Variants in LRRC7 observed in about 807,000 individuals in gnomAD.
LRRC7 encodes leucine rich repeat containing 7.
Under a neutral mutation model 175.7 loss-of-function variants are expected in LRRC7, and 23 were observed. That is an observed-to-expected ratio of 0.13 (90% CI 0.09 to 0.19). The LOEUF (loss-of-function observed/expected upper bound fraction) is 0.19. LRRC7 is among the 10% of genes least tolerant of loss of function. LRRC7 has a pLI of 1.00. For synonymous variants in LRRC7, 685 were observed against 680.9 expected (o/e 1.01, Z -0.09); for missense variants, 1,354 against 1,904.7 (o/e 0.71, Z 5.38).
In LRRC7 at chr1:70,136,101, A is replaced by G. The variant is rs978916542; in HGVS notation, c.*14214A>G. Among the ~76,000 whole-genome samples the G allele has an allele frequency of 1.3e-5, 2 of 150,104 alleles. No homozygotes were observed. Among genetic ancestry groups the G allele is most frequent in the South Asian group, 2.1e-4 (1 of 4,738 alleles). ...TGTGTGTGTGTGTGTGTGTGTGTCT[A>G]TATATCTTATCAGGCAATTTTTTTT... On this transcript the variant is annotated 3_prime_UTR_variant, in exon 27 of 27. Coordinates refer to ENST00000651989, the MANE Select transcript of LRRC7 (RefSeq NM_001370785.2).
intron 2 of LRRC7, among the ~76,000 whole-genome samples, chr1:69,749,151 A>C (rs1669559410): frequency 6.6e-6 from 1 of 152,232 alleles, no homozygotes; most frequent in Non-Finnish European, 1.5e-5. Flanking sequence ...TAGCAGACAA[A>C]AATGTCAAGA....
At chr1:69,839,075 A>T (rs12735430) in intron 7 of LRRC7, 50 of 286,260 alleles carry the variant, frequency 1.7e-4, no homozygotes, top group Non-Finnish European at 2.9e-4. Flanking sequence ...TATTGAGTAC[A>T]GTGAATAATT....
chr1:70,093,480 A>T (rs1276748559), intron 25 of LRRC7, among the ~76,000 whole-genome samples: 1 of 152,138 alleles, frequency 6.6e-6, no homozygotes, highest in Non-Finnish European at 1.5e-5. Flanking sequence ...CTGACTCCAG[A>T]TGCTTTTCTT....
At chr1:69,883,182 T>C (rs1160898062) in intron 7 of LRRC7, among the ~76,000 whole-genome samples, 4 of 151,738 alleles carry the variant, frequency 2.6e-5, no homozygotes, top group African/African-American at 7.3e-5. Context: ...CCCTGAGGAA[T>C]CACCACACTG....
At chr1:69,782,133 T>C (rs1673834303) in intron 3 of LRRC7, among the ~76,000 whole-genome samples, 2 of 152,068 alleles carry the variant, frequency 1.3e-5, no homozygotes, top group South Asian at 4.1e-4. Flanking sequence ...GTAGAGACAA[T>C]ATACATCAAA....
intron 8 of LRRC7, among the ~76,000 whole-genome samples, chr1:69,934,586 T>C (rs1647787839): frequency 6.6e-6 from 1 of 150,754 alleles, no homozygotes; most frequent in South Asian, 2.1e-4. Flanking sequence ...TTTAAAAAAA[T>C]AGAAAGTTAA....
In LRRC7 at chr1:69,792,176, C is replaced by A; in HGVS notation, c.421+16C>A. The A allele has an allele frequency of 1.4e-6, 2 of 1,404,872 alleles. No homozygotes were observed. Among genetic ancestry groups the A allele is most frequent in the Non-Finnish European group, 2.0e-6 (2 of 1,001,650 alleles). 87.0% of individuals were successfully genotyped at this position (1,404,872 alleles called of 1,614,324 possible). A position where few individuals can be genotyped will look rare whatever the true frequency, so the allele number is the denominator to read the frequency against. Reference sequence around the variant, plus strand: ...AGTAAAAATGGTAAGATTTTTCTCTCATCATAAAATACCTAGAATTTTTTA... The same window carrying A: ...AGTAAAAATGGTAAGATTTTTCTCTAATCATAAAATACCTAGAATTTTTTA... On this transcript the variant is annotated intron_variant, in intron 4 of 26. Coordinates refer to ENST00000651989, the MANE Select transcript of LRRC7 (RefSeq NM_001370785.2).
chr1:69,777,838 C>A (rs1257696861), intron 3 of LRRC7, among the ~76,000 whole-genome samples: 1 of 152,162 alleles, frequency 6.6e-6, no homozygotes. Flanking sequence ...TACCTTAAAC[C>A]AGCCTTTTCC....
chr1:69,993,971 A>G (rs12027422), intron 10 of LRRC7, among the ~76,000 whole-genome samples: 9,420 of 152,224 alleles, frequency 0.062, 281 homozygotes, highest in South Asian at 0.11. Flanking sequence ...AAAGATAAAT[A>G]GTTGTAACTT....
intron 14 of LRRC7, among the ~76,000 whole-genome samples, chr1:70,017,375 A>G (rs1424147106): frequency 6.6e-6 from 1 of 152,324 alleles, no homozygotes; most frequent in East Asian, 1.9e-4. Flanking sequence ...TTTTAATTGA[A>G]TCAGTAATAT....
At chr1:69,670,813 G>C (rs957514976) in intron 1 of LRRC7, among the ~76,000 whole-genome samples, 6 of 152,128 alleles carry the variant, frequency 3.9e-5, no homozygotes, top group African/African-American at 1.4e-4. Context: ...ATGGGGATTA[G>C]TGATAGGCTA....
chr1:69,882,804 C>A (rs1486026239), intron 7 of LRRC7, among the ~76,000 whole-genome samples: 1 of 141,658 alleles, frequency 7.1e-6, no homozygotes, highest in East Asian at 2.2e-4. Context: ...TGATATTCCC[C>A]TTCCTGTGTC....
chr1:69,797,843 C>T (rs548286759), intron 4 of LRRC7, among the ~76,000 whole-genome samples: 24 of 152,180 alleles, frequency 1.6e-4, no homozygotes, highest in African/African-American at 4.8e-4. Flanking sequence ...TAAAAGTACC[C>T]GCAATTGACC....
At chr1:69,668,659 C>G (rs972344411) in intron 1 of LRRC7, among the ~76,000 whole-genome samples, 2 of 152,116 alleles carry the variant, frequency 1.3e-5, no homozygotes, top group African/African-American at 4.8e-5. Flanking sequence ...GGGTATAAAC[C>G]CAGTAATGGG....
At chr1:69,878,792 CTA>C (rs1196292388) in intron 7 of LRRC7, among the ~76,000 whole-genome samples, 1 of 149,186 alleles carries the variant, frequency 6.7e-6, no homozygotes, top group African/African-American at 2.5e-5. Context: ...GATAATGATA[CTA>C]TATATATAAA....
intron 8 of LRRC7, among the ~76,000 whole-genome samples, chr1:69,950,435 A>T (rs1279707498): frequency 1.3e-5 from 2 of 152,156 alleles, no homozygotes; most frequent in Non-Finnish European, 2.9e-5. Flanking sequence ...CATTTTGTAG[A>T]ATAAAGGGAG....
At chr1:69,638,026 G>A (rs1653665480) in intron 1 of LRRC7, among the ~76,000 whole-genome samples, 2 of 151,768 alleles carry the variant, frequency 1.3e-5, no homozygotes, top group Non-Finnish European at 1.5e-5. Context: ...GTCTTGATGA[G>A]CAATATGTTA....
chr1:69,727,213 G>A (rs1384655285), intron 2 of LRRC7, among the ~76,000 whole-genome samples: 2 of 152,192 alleles, frequency 1.3e-5, no homozygotes, highest in Non-Finnish European at 2.9e-5. Flanking sequence ...GCACTGGTGA[G>A]CCATTAGTGG....
chr1:70,107,857 G>A (rs1303465865), intron 26 of LRRC7, 31 bp downstream of exon 26: 3 of 1,514,872 alleles, frequency 2.0e-6, no homozygotes, highest in South Asian at 1.1e-5. Flanking sequence ...GCATGCAAAT[G>A]CCATACTGAG....
Sources: allele counts gnomAD v4.1 joint callset (sites outside exome capture counted in the v4.1 genomes callset), GRCh38; gene constraint gnomAD v4.1.1; transcripts MANE v1.5; gene names NCBI Gene and HGNC (gene_info 2026-07-23, HGNC 2026-07-21).